QKI: variants seen among roughly 807,000 people sequenced by gnomAD.
QKI encodes the protein KH domain-containing RNA-binding protein QKI.
Under a neutral mutation model 39.0 loss-of-function variants are expected in QKI, and 10 were observed. The ratio of observed to expected loss-of-function variants is 0.26; its 90% CI spans 0.16 to 0.43. The LOEUF is 0.43. QKI is among the 20% of genes least tolerant of loss of function. QKI has a pLI of 1.00. For synonymous variants in QKI, 204 were observed against 155.4 expected (o/e 1.31, Z -2.33); for missense variants, 218 against 428.0 (o/e 0.51, Z 4.33).
intron 2 of QKI, among the ~76,000 whole-genome samples, chr6:163,467,959 A>AT (rs904015001): frequency 9.9e-5 from 15 of 152,174 alleles, no homozygotes; most frequent in African/African-American, 3.6e-4. Flanking sequence ...ACTTAACTCC[A>AT]TTGTAAGTCA....
intron 1 of QKI, among the ~76,000 whole-genome samples, chr6:163,425,990 G>T (rs1037040706): frequency 1.3e-5 from 2 of 152,170 alleles, no homozygotes; most frequent in African/African-American, 4.8e-5. Flanking sequence ...TTAGGTAAAT[G>T]AGAGATATCT....
At chr6:163,443,310 C>G (rs1217573801) in intron 1 of QKI, among the ~76,000 whole-genome samples, 1 of 152,224 alleles carries the variant, frequency 6.6e-6, no homozygotes, top group Non-Finnish European at 1.5e-5. Flanking sequence ...GTGGCTCACG[C>G]CTGTAATCCC....
At chr6:163,541,756 T>C (rs1051972916) in intron 4 of QKI, among the ~76,000 whole-genome samples, 1 of 152,010 alleles carries the variant, frequency 6.6e-6, no homozygotes, top group African/African-American at 2.4e-5. Context: ...ATAGTAACTT[T>C]TTCCTTCTTT....
chr6:163,497,940 A>G (rs912063561), intron 3 of QKI, among the ~76,000 whole-genome samples: 4 of 152,212 alleles, frequency 2.6e-5, no homozygotes, highest in African/African-American at 7.2e-5. Flanking sequence ...GTTACTAGCT[A>G]TCATGGGATT....
chr6:163,477,714 C>G (rs1792729187), intron 2 of QKI, among the ~76,000 whole-genome samples: 1 of 152,154 alleles, frequency 6.6e-6, no homozygotes, highest in South Asian at 2.1e-4. Context: ...TCGAATGATA[C>G]AGGCGTACTA....
chr6:163,565,163 G>A lies in QKI; in HGVS notation c.934+1444G>A, dbSNP rs1249960628. The A allele has an allele frequency of 1.0e-5, 10 of 991,828 alleles. 1 individual carries two copies. In the South Asian group the frequency reaches 3.7e-4, roughly 36 times the overall value. 61.4% of individuals were successfully genotyped at this position (991,828 alleles called of 1,614,324 possible). A position where few individuals can be genotyped will look rare whatever the true frequency, so the allele number is the denominator to read the frequency against. On this transcript the variant is annotated intron_variant, in intron 6 of 7. Transcript: ENST00000361752. ...AACTGTTTATGAGAGGCTTGTGTCTGTTGCACATTTCTTGAAGCATTTTTA... is the reference window on the plus strand; with the variant it reads ...AACTGTTTATGAGAGGCTTGTGTCTATTGCACATTTCTTGAAGCATTTTTA...
At chr6:163,563,773 T>G in intron 6 of QKI, 54 bp downstream of exon 6, 10 of 1,545,490 alleles carry the variant, frequency 6.5e-6, no homozygotes, top group Non-Finnish European at 7.9e-6. Context: ...ATATTTTTGC[T>G]CCCTCAGATT....
chr6:163,430,358 T>C (rs529580944), intron 1 of QKI, among the ~76,000 whole-genome samples: 2 of 152,174 alleles, frequency 1.3e-5, no homozygotes, highest in South Asian at 2.1e-4. Flanking sequence ...TTGACTCTCT[T>C]TAGGTTTTTG....
chr6:163,567,985 T>C (rs1783467580), intron 7 of QKI: 1 of 985,554 alleles, frequency 1.0e-6, no homozygotes, highest in Non-Finnish European at 1.2e-6. Flanking sequence ...GCATAATCCA[T>C]AAAGAACGTT....
chr6:163,464,056 G>T (rs1429297184), intron 2 of QKI, among the ~76,000 whole-genome samples: 1 of 152,106 alleles, frequency 6.6e-6, no homozygotes, highest in East Asian at 1.9e-4. Flanking sequence ...ACAGACAGTT[G>T]TTTCCCCTTA....
At chr6:163,423,771 G>GGC (rs1291988266) in intron 1 of QKI, among the ~76,000 whole-genome samples, 2 of 152,208 alleles carry the variant, frequency 1.3e-5, no homozygotes, top group African/African-American at 2.4e-5. Flanking sequence ...TGTAAGCAAA[G>GGC]GCTAGAGCCT....
Position 163,415,053 on chromosome 6 carries a change from C to CGCGGGAGCCAGA in QKI, c.-131_-120dup, listed in dbSNP as rs570868172. 2.3e-6 allele frequency: 2 copies of CGCGGGAGCCAGA among 880,126 alleles called. No individual in the cohort carries two copies. Among genetic ancestry groups the CGCGGGAGCCAGA allele is most frequent in the African/African-American group, 3.7e-5 (2 of 53,822 alleles). The allele number at this position is 880,126 out of a possible 1,614,324, so 54.5% of individuals were successfully genotyped here. The stretch of plus-strand genomic sequence containing the variant: ...CGGTGCCGGCCGCCCCGGGGCTCGG[C>CGCGGGAGCCAGA]GCGGGAGCCAGAGCGGGAGCCGGCG... On this transcript the variant is annotated 5_prime_UTR_variant, in exon 1 of 8. Transcript: ENST00000361752.
chr6:163,477,719 G>A (rs540893833), intron 2 of QKI, among the ~76,000 whole-genome samples: 58 of 152,236 alleles, frequency 3.8e-4, no homozygotes, highest in African/African-American at 1.2e-3. Flanking sequence ...TGATACAGGC[G>A]TACTACCTAC....
intron 2 of QKI, among the ~76,000 whole-genome samples, chr6:163,474,164 A>G (rs1048248598): frequency 6.6e-6 from 1 of 152,184 alleles, no homozygotes; most frequent in Admixed American, 6.5e-5. Context: ...AAACTAAGAA[A>G]TAGAAGGGAA....
chr6:163,510,156 C>A (rs2128234763), intron 3 of QKI, among the ~76,000 whole-genome samples: 1 of 151,188 alleles, frequency 6.6e-6, no homozygotes, highest in East Asian at 1.9e-4. Flanking sequence ...GTGGAGGTTG[C>A]AGTGAGCCAA....
chr6:163,509,621 A>T (rs528829746), intron 3 of QKI, among the ~76,000 whole-genome samples: 3 of 152,252 alleles, frequency 2.0e-5, no homozygotes, highest in African/African-American at 7.2e-5. Flanking sequence ...AAAGATTTGT[A>T]TTGTATCCCC....
chr6:163,420,154 CT>C (rs35131240), intron 1 of QKI, among the ~76,000 whole-genome samples: 664 of 60,854 alleles, frequency 0.011, 5 homozygotes, highest in African/African-American at 0.026. Flanking sequence ...CTTTTCTTTT[CT>C]TTTTTTTTTT....
intron 3 of QKI, among the ~76,000 whole-genome samples, chr6:163,483,154 C>T (rs966152379): frequency 5.3e-5 from 8 of 152,188 alleles, no homozygotes; most frequent in African/African-American, 1.9e-4. Context: ...TTTGTAACAG[C>T]ATTATGTCTA....
chr6:163,565,140 C>A (rs1339368863), intron 6 of QKI: 1 of 1,000,624 alleles, frequency 1.0e-6, no homozygotes, highest in East Asian at 1.0e-4. Flanking sequence ...TACCACAGAA[C>A]TGTTTATGAG....
Sources: gnomAD v4.1 joint callset for allele counts (sites outside exome capture counted in the v4.1 genomes callset) on GRCh38, gnomAD v4.1.1 for gene constraint, MANE v1.5 for transcripts, NCBI Gene and HGNC (gene_info 2026-07-23, HGNC 2026-07-21) for gene names.